The following U2SURP variants were observed in gnomAD, a reference collection of about 807,000 sequenced individuals.
The protein encoded by U2SURP is U2 snRNP associated SURP domain containing.
A neutral mutation model predicts 144.9 loss-of-function variants in U2SURP; 9 were observed. The ratio of observed to expected loss-of-function variants is 0.06; its 90% CI spans 0.04 to 0.11. The LOEUF (loss-of-function observed/expected upper bound fraction) is 0.11, where lower values mean the gene tolerates loss of function less well. U2SURP is among the 10% of genes least tolerant of loss of function. The probability of loss-of-function intolerance (pLI) is 1.00; values close to 1 mark genes in which losing one functional copy is unlikely to be tolerated. For missense variants in U2SURP, 724 were observed against 1,226.7 expected (o/e 0.59, Z 6.12); for synonymous variants, 408 against 396.8 (o/e 1.03, Z -0.33).
chr3:143,046,301 T>TA (rs1250556733), intron 24 of U2SURP, among the ~76,000 whole-genome samples: 6,689 of 134,324 alleles, frequency 0.05, 503 homozygotes, highest in African/African-American at 0.16. Flanking sequence ...TTTTTTATTT[T>TA]TTTTTATTTT....
intron 3 of U2SURP, 26 bp downstream of exon 3, chr3:143,012,379 G>T: frequency 6.4e-7 from 1 of 1,565,138 alleles, no homozygotes; most frequent in East Asian, 2.3e-5. Flanking sequence ...ATAAGGTAAA[G>T]ATAAGAAAGG....
intron 23 of U2SURP, among the ~76,000 whole-genome samples, chr3:143,040,457 C>G (rs544995631): frequency 1.6e-4 from 24 of 152,002 alleles, no homozygotes; most frequent in Admixed American, 1.6e-3. Flanking sequence ...CTACTACTCT[C>G]TAGTGGCTGA....
chr3:143,026,828 A>C (rs1340579423), intron 13 of U2SURP: 1 of 172,588 alleles, frequency 5.8e-6, no homozygotes, highest in Non-Finnish European at 1.2e-5. Context: ...GCAGCTTTCT[A>C]ATTAGTTGTG....
intron 13 of U2SURP, chr3:143,026,188 A>G (rs1234107478): frequency 6.6e-6 from 1 of 152,114 alleles, no homozygotes. Flanking sequence ...TTGTGTTTGG[A>G]GTCTAATAAA....
chr3:143,034,817 TTGGC>T (rs1213251696), intron 18 of U2SURP, 67 bp from the exon 19 acceptor site: 17 of 996,524 alleles, frequency 1.7e-5, no homozygotes, highest in Non-Finnish European at 6.0e-6. Flanking sequence ...GGGGTTTTCA[TTGGC>T]TGGCATGCTA....
intron 23 of U2SURP, 49 bp from the exon 24 acceptor site, chr3:143,043,068 G>A: frequency 6.7e-7 from 1 of 1,502,846 alleles, no homozygotes; most frequent in Non-Finnish European, 9.0e-7. Flanking sequence ...GTAAAATATG[G>A]TACTCTCTTG....
chr3:143,054,816 A>G, intron 26 of U2SURP, 127 bp from the exon 27 acceptor site: 1 of 989,384 alleles, frequency 1.0e-6, no homozygotes, highest in Non-Finnish European at 1.4e-6. Context: ...GAGTATTGTT[A>G]AAAGTAACAT....
chr3:143,002,659 A>C (rs1418005538), intron 1 of U2SURP, among the ~76,000 whole-genome samples: 1 of 152,144 alleles, frequency 6.6e-6, no homozygotes, highest in Non-Finnish European at 1.5e-5. Flanking sequence ...TAAATCGGCT[A>C]TTAGAAAGTT....
At chr3:143,056,275 A>C (rs1379567965) in intron 27 of U2SURP, 37 bp from the exon 28 acceptor site, 4 of 1,567,676 alleles carry the variant, frequency 2.6e-6, no homozygotes, top group Middle Eastern at 3.7e-4. Context: ...TCACATGAGT[A>C]CTTTATCAAT....
rs1407789972 is a variant in U2SURP, at chr3:143,038,940, A to G, written c.2364A>G (p.Ser788=). 1.3e-6 allele frequency: 2 copies of G among 1,538,118 alleles called. No homozygotes were observed. Among genetic ancestry groups the G allele is most frequent in the Admixed American group, 2.2e-5 (1 of 46,430 alleles). ...KWELFDQHEE[S]EEEENQNQEE... is the part of the protein sequence containing the mutation. ...AATTATTTGACCAGCATGAAGAATC[A>G]GAAGAAGAAGAAAATCAAAAGTAAG... Residue 788 remains serine (S), a synonymous_variant, in exon 23 of 28, where the codon TCA becomes TCG. Transcript: ENST00000473835.
Position 143,025,757 on chromosome 3 carries a change from G to A in U2SURP, c.1275-1392G>A, listed in dbSNP as rs376844632. 15 of 152,198 alleles carry A rather than the reference G, an allele frequency of 9.9e-5. No individual in the cohort carries two copies. The East Asian group carries it at 2.9e-3, about 29-fold the overall frequency. 9.4% of individuals were successfully genotyped at this position (152,198 alleles called of 1,614,324 possible). A position where few individuals can be genotyped will look rare whatever the true frequency, so the allele number is the denominator to read the frequency against. Reference sequence around the variant, plus strand: ...AAATGCATGATTTCCCCTTTGTAAAGATTTAAACTGTGATGCAATTTTTTT... The same window carrying A: ...AAATGCATGATTTCCCCTTTGTAAAAATTTAAACTGTGATGCAATTTTTTT... On this transcript the variant is annotated intron_variant, in intron 13 of 27. Transcript: ENST00000473835.
In U2SURP at chr3:143,060,011, A is replaced by G. The variant is rs891246116; in HGVS notation, c.*3561A>G. 6.6e-6 allele frequency: 1 copy of G among 152,422 alleles called. No homozygotes were observed. The highest frequency in any genetic ancestry group is 6.6e-5 in the Admixed American group (1 of 15,248). 9.4% of individuals were successfully genotyped at this position (152,422 alleles called of 1,614,324 possible). A position where few individuals can be genotyped will look rare whatever the true frequency, so the allele number is the denominator to read the frequency against. On this transcript the variant is annotated 3_prime_UTR_variant, in exon 28 of 28. Transcript: ENST00000473835. ...CCCAGGGGAAGTGTTGTGATGCTAG[A>G]CTAAAAGGTGGGAATGTGCTGCTGT...
At chr3:143,027,367 C>T (rs1423557045) in intron 14 of U2SURP, 114 bp downstream of exon 14, 3 of 719,702 alleles carry the variant, frequency 4.2e-6, no homozygotes, top group African/African-American at 1.8e-5. Context: ...GTACAACCAT[C>T]ACCACCATCC....
At chr3:143,049,427 A>T (rs1351907138) in intron 24 of U2SURP, among the ~76,000 whole-genome samples, 1 of 152,236 alleles carries the variant, frequency 6.6e-6, no homozygotes, top group Non-Finnish European at 1.5e-5. Context: ...TTTAAAGGAT[A>T]TATCAGTGTC....
chr3:143,010,159 T>C (rs1406335307), intron 1 of U2SURP, among the ~76,000 whole-genome samples: 2 of 152,212 alleles, frequency 1.3e-5, no homozygotes, highest in African/African-American at 4.8e-5. Context: ...TTGCATACCA[T>C]GTATAATCTG....
In U2SURP at chr3:143,032,920, A is replaced by G. The variant is rs772101168; in HGVS notation, c.1747A>G (p.Ile583Val). ...GGATTGCATTACTGAGTCGTTGTCC[A>G]TCTTAAAGACACCCCTTCCTAAAAA... is the stretch of plus-strand genomic sequence containing the variant. ...IVDCITESLS[I>V]LKTPLPKKIA... is the part of the protein sequence containing the mutation. Residue 583 changes from isoleucine (I) to valine (V), a missense_variant, in exon 17 of 28, where the codon ATC becomes GTC. Around this residue, in one of 13 missense-constraint regions of U2SURP, gnomAD observed 19 missense variants for 62.2 expected, o/e 0.31. Transcript: ENST00000473835. 4 of 1,612,644 alleles carry G rather than the reference A, an allele frequency of 2.5e-6. No homozygotes were observed. Among genetic ancestry groups the G allele is most frequent in the Non-Finnish European group, 1.7e-6 (2 of 1,179,450 alleles).
chr3:143,002,559 G>T (rs1935590859), intron 1 of U2SURP, among the ~76,000 whole-genome samples: 1 of 152,168 alleles, frequency 6.6e-6, no homozygotes, highest in African/African-American at 2.4e-5. Context: ...GTACTGCCAC[G>T]AGGTAGTTAA....
chr3:143,057,971 G>T lies in U2SURP; in HGVS notation c.*1521G>T, dbSNP rs1021910831. The T allele has an allele frequency of 6.6e-6, 1 of 152,298 alleles. No homozygotes were observed. Among genetic ancestry groups the T allele is most frequent in the East Asian group, 1.9e-4 (1 of 5,188 alleles). 9.4% of individuals were successfully genotyped at this position (152,298 alleles called of 1,614,324 possible). The stretch of plus-strand genomic sequence containing the variant: ...CTGTTTTACTTAATGGTTCTTATCA[G>T]CATGCAAATATTGCTTGAAAGTTAT... On this transcript the variant is annotated 3_prime_UTR_variant, in exon 28 of 28. Transcript: ENST00000473835.
chr3:143,048,160 G>A (rs778791021), intron 24 of U2SURP, among the ~76,000 whole-genome samples: 1 of 152,182 alleles, frequency 6.6e-6, no homozygotes, highest in African/African-American at 2.4e-5. Flanking sequence ...AGGCAATAAG[G>A]GCTGGATAGT....
Sources: allele counts gnomAD v4.1 joint callset (sites outside exome capture counted in the v4.1 genomes callset), GRCh38; gene constraint gnomAD v4.1.1; regional missense constraint gnomAD v4.1.1; transcripts MANE v1.5; gene names NCBI Gene and HGNC (gene_info 2026-07-23, HGNC 2026-07-21).